The following LGR5 variants were observed in gnomAD, a reference collection of about 807,000 sequenced individuals.
LGR5 encodes the protein leucine rich repeat containing G protein-coupled receptor 5.
Under a neutral mutation model 76.7 loss-of-function variants are expected in LGR5, and 54 were observed. The observed-to-expected ratio is 0.70, with a 90% CI of 0.57 to 0.88. The LOEUF is 0.88. LGR5 is among the 40% of genes least tolerant of loss of function. LGR5 has a pLI of 0.00. For synonymous variants in LGR5, 406 were observed against 421.9 expected (o/e 0.96, Z 0.46); for missense variants, 1,078 against 1,073.3 (o/e 1.00, Z -0.06).
In LGR5 at chr12:71,583,862, G is replaced by A. The variant is rs1310326508; in HGVS notation, c.1852G>A (p.Ala618Thr). 1 of 1,614,050 alleles carries A rather than the reference G, an allele frequency of 6.2e-7. No individual in the cohort carries two copies. Among genetic ancestry groups the A allele is most frequent in the Non-Finnish European group, 8.5e-7 (1 of 1,180,040 alleles). ...CAGTGCCGTGCTGGCTGGTGTGGAT[G>A]CGTTCACTTTTGGCAGCTTTGCACG... The part of the protein sequence containing the change: ...VSSAVLAGVD[A>T]FTFGSFARHG... Residue 618 changes from alanine to threonine, a missense_variant, in exon 18 of 18, where the codon GCG becomes ACG. Coordinates refer to ENST00000266674, the MANE Select transcript of LGR5 (RefSeq NM_003667.4).
intron 2 of LGR5, among the ~76,000 whole-genome samples, chr12:71,517,136 C>T (rs1319134997): frequency 2.0e-5 from 3 of 152,060 alleles, no homozygotes; most frequent in Non-Finnish European, 2.9e-5. Flanking sequence ...GTATTGTGAA[C>T]ACATTTGAAA....
chr12:71,535,924 C>T, intron 4 of LGR5, among the ~76,000 whole-genome samples: 1 of 152,188 alleles, frequency 6.6e-6, no homozygotes, highest in East Asian at 1.9e-4. Context: ...AGAACATTCT[C>T]CCAGCTAAAT....
intron 1 of LGR5, among the ~76,000 whole-genome samples, chr12:71,442,223 T>C (rs1368477400): frequency 2.0e-5 from 3 of 152,248 alleles, no homozygotes; most frequent in Non-Finnish European, 2.9e-5. Flanking sequence ...TTACTAAAAG[T>C]TGGCATAAAA....
intron 1 of LGR5, among the ~76,000 whole-genome samples, chr12:71,473,320 T>C (rs1427023576): frequency 2.6e-5 from 4 of 152,056 alleles, no homozygotes; most frequent in Non-Finnish European, 5.9e-5. Context: ...TAAATTATCA[T>C]CTTTTCAACA....
intron 16 of LGR5, 30 bp from the exon 17 acceptor site, chr12:71,582,426 C>G (rs1160551313): frequency 6.3e-7 from 1 of 1,593,822 alleles, no homozygotes; most frequent in South Asian, 1.1e-5. Context: ...AGAGTCAGAA[C>G]TAATCATTCC....
At chr12:71,539,601 C>T (rs1182935932) in intron 4 of LGR5, among the ~76,000 whole-genome samples, 1 of 152,134 alleles carries the variant, frequency 6.6e-6, no homozygotes, top group Non-Finnish European at 1.5e-5. Flanking sequence ...CCTCAGCCTC[C>T]TAAGTAGCTG....
intron 1 of LGR5, among the ~76,000 whole-genome samples, chr12:71,492,106 C>A (rs544331639): frequency 6.6e-6 from 1 of 152,008 alleles, no homozygotes; most frequent in Non-Finnish European, 1.5e-5. Context: ...CAGGACTTAT[C>A]ATTTTTTCTG....
intron 7 of LGR5, among the ~76,000 whole-genome samples, chr12:71,560,357 A>G: frequency 6.6e-6 from 1 of 152,234 alleles, no homozygotes; most frequent in Non-Finnish European, 1.5e-5. Context: ...TATATTTACT[A>G]TTTATTAAGT....
intron 4 of LGR5, 98 bp downstream of exon 4, chr12:71,535,284 G>A: frequency 1.3e-6 from 1 of 789,382 alleles, no homozygotes; most frequent in South Asian, 1.5e-5. Flanking sequence ...TTGGTTGGGA[G>A]TCATACCTAA....
intron 2 of LGR5, among the ~76,000 whole-genome samples, chr12:71,510,131 G>A (rs957988223): frequency 1.3e-5 from 2 of 152,162 alleles, no homozygotes; most frequent in African/African-American, 2.4e-5. Flanking sequence ...ATTGAGTTGT[G>A]TTCATAAAAT....
chr12:71,551,878 A>AAAAC (rs2137407876), intron 4 of LGR5, among the ~76,000 whole-genome samples: 1 of 152,358 alleles, frequency 6.6e-6, no homozygotes, highest in Admixed American at 6.5e-5. Context: ...AAATGTCAGA[A>AAAAC]AAACAAACAT....
At chr12:71,515,784 A>G (rs1297705929) in intron 2 of LGR5, among the ~76,000 whole-genome samples, 1 of 152,236 alleles carries the variant, frequency 6.6e-6, no homozygotes. Context: ...GCATGAATTT[A>G]CTAAGTAGTC....
intron 1 of LGR5, among the ~76,000 whole-genome samples, chr12:71,472,100 A>G (rs550419849): frequency 6.6e-6 from 1 of 152,280 alleles, no homozygotes; most frequent in East Asian, 1.9e-4. Flanking sequence ...TCATCACTAA[A>G]GAATTTATTC....
Position 71,504,633 on chromosome 12 carries a change from A to G in LGR5, c.232A>G (p.Ile78Val). 2.5e-6 allele frequency: 4 copies of G among 1,614,092 alleles called. No homozygotes were observed. The highest frequency in any genetic ancestry group is 3.4e-6 in the Non-Finnish European group (4 of 1,179,990). The change falls in exon 2 of 18, where the codon ATC (isoleucine) becomes GTC (valine). Residue 78 changes from isoleucine to valine, a missense_variant. Ile to Val is a conservative substitution (Grantham distance 29, BLOSUM62 3). Coordinates refer to ENST00000266674, the MANE Select transcript of LGR5 (RefSeq NM_003667.4). Reference sequence around the variant, plus strand: ...CCCCAGAGACCTCAGTATGAACAACATCAGTCAGCTGCTCCCGAATCCCCT... The same window carrying G: ...CCCCAGAGACCTCAGTATGAACAACGTCAGTCAGCTGCTCCCGAATCCCCT... ...TSYLDLSMNN[I>V]SQLLPNPLPS...
intron 1 of LGR5, 72 bp from the exon 2 acceptor site, chr12:71,504,542 G>A (rs751204002): frequency 1.7e-6 from 2 of 1,155,872 alleles, no homozygotes; most frequent in Non-Finnish European, 2.6e-6. Flanking sequence ...TTGGAAATGT[G>A]TGAATTGAAC....
intron 4 of LGR5, among the ~76,000 whole-genome samples, chr12:71,540,492 G>A (rs778224959): frequency 6.6e-6 from 1 of 152,064 alleles, no homozygotes; most frequent in African/African-American, 2.4e-5. Context: ...TTTCTGCCTG[G>A]CACACCAGCT....
intron 1 of LGR5, among the ~76,000 whole-genome samples, chr12:71,483,705 T>C (rs1165159043): frequency 6.6e-6 from 1 of 152,144 alleles, no homozygotes; most frequent in East Asian, 1.9e-4. Context: ...ATGCCTCTGT[T>C]TCTTTACCTT....
intron 6 of LGR5, among the ~76,000 whole-genome samples, chr12:71,557,300 A>C (rs983910446): frequency 6.6e-6 from 1 of 152,216 alleles, no homozygotes; most frequent in African/African-American, 2.4e-5. Context: ...AAGAAAAAAG[A>C]GTGAAAAGTA....
chr12:71,487,906 AGTAGTTATAC>A (rs1483082624), intron 1 of LGR5, among the ~76,000 whole-genome samples: 1 of 152,224 alleles, frequency 6.6e-6, no homozygotes, highest in Admixed American at 6.5e-5. Context: ...TAAAATCAAC[AGTAGTTATAC>A]GCCATCCCCT....
Sources: gnomAD v4.1 joint callset for allele counts (sites outside exome capture counted in the v4.1 genomes callset) on GRCh38, gnomAD v4.1.1 for gene constraint, MANE v1.5 for transcripts, NCBI Gene and HGNC (gene_info 2026-07-23, HGNC 2026-07-21) for gene names.